TMC5: variants seen among roughly 807,000 people sequenced by gnomAD.
The protein encoded by TMC5 is transmembrane channel like 5.
A neutral mutation model predicts 110.5 loss-of-function variants in TMC5; 86 were observed. The observed-to-expected ratio is 0.78, with a 90% confidence interval of 0.65 to 0.93. The LOEUF (loss-of-function observed/expected upper bound fraction) is 0.93, where lower values mean the gene tolerates loss of function less well. Among genes scored for constraint, TMC5 ranks in the 40% least tolerant of loss-of-function variants. The pLI, the probability that TMC5 is intolerant of heterozygous loss-of-function variation, is 0.00. For synonymous variants in TMC5, 455 were observed against 439.5 expected (o/e 1.04, Z -0.44); for missense variants, 1,144 against 1,222.8 (o/e 0.94, Z 0.96).
At chr16:19,469,874 T>C in intron 10 of TMC5, 49 bp downstream of exon 10, 1 of 1,600,612 alleles carries the variant, frequency 6.2e-7, no homozygotes, top group South Asian at 1.1e-5. Flanking sequence ...TCTCCTTCCC[T>C]TCTCCAGTAT....
At chr16:19,456,802 A>G in intron 5 of TMC5, 1 of 1,614,216 alleles carries the variant, frequency 6.2e-7, no homozygotes, top group Non-Finnish European at 8.5e-7. Context: ...AGATTTTTCA[A>G]GAAAAGGTGC....
chr16:19,487,100 G>T, intron 16 of TMC5, 80 bp downstream of exon 16: 1 of 1,608,106 alleles, frequency 6.2e-7, no homozygotes, highest in Non-Finnish European at 8.5e-7. Flanking sequence ...GGGGAAGGGG[G>T]CTCTGCAAAG....
chr16:19,445,857 T>G (rs796726465), intron 4 of TMC5, among the ~76,000 whole-genome samples: 43 of 151,722 alleles, frequency 2.8e-4, no homozygotes, highest in African/African-American at 1.0e-3. Context: ...CCGGGCCTAA[T>G]TTTAAAAATT....
chr16:19,494,277 ATGT>A lies in TMC5; in HGVS notation c.2844_2846del (p.Met948_Phe949delinsIle). ...TTCTTGGTAGGAGGGCAAAGATAAA[ATGT>A]TCCTGATAGAAAAATTGATCAAGCT... is the stretch of plus-strand genomic sequence containing the variant. On this transcript the variant is annotated inframe_deletion, in exon 20 of 22. Transcript: ENST00000542583. The A allele has an allele frequency of 6.2e-7, 1 of 1,612,478 alleles. No homozygotes were observed. The highest frequency in any genetic ancestry group is 8.5e-7 in the Non-Finnish European group (1 of 1,179,278).
At chr16:19,461,446 C>T (rs561428472) in intron 6 of TMC5, among the ~76,000 whole-genome samples, 8 of 151,904 alleles carry the variant, frequency 5.3e-5, no homozygotes, top group Non-Finnish European at 1.0e-4. Context: ...TGGTGGCATG[C>T]GCCTGTAATC....
chr16:19,432,350 G>A (rs1442982845), intron 2 of TMC5, among the ~76,000 whole-genome samples: 1 of 152,200 alleles, frequency 6.6e-6, no homozygotes, highest in Non-Finnish European at 1.5e-5. Context: ...ATGGGATATG[G>A]AAAGGAGGAA....
chr16:19,467,935 TG>T (rs1329481060), intron 9 of TMC5, among the ~76,000 whole-genome samples: 1 of 152,168 alleles, frequency 6.6e-6, no homozygotes, highest in East Asian at 1.9e-4. Context: ...AGTGAGATTT[TG>T]TTTTGTTCTG....
chr16:19,412,485 C>A (rs561789979), intron 1 of TMC5, among the ~76,000 whole-genome samples: 1 of 152,242 alleles, frequency 6.6e-6, no homozygotes, highest in African/African-American at 2.4e-5. Context: ...CCTGCCTCAA[C>A]CTCCCAAGTA....
At chr16:19,450,710 C>T (rs1246600053) in intron 5 of TMC5, among the ~76,000 whole-genome samples, 2 of 152,202 alleles carry the variant, frequency 1.3e-5, no homozygotes. Flanking sequence ...CTAACTGGAG[C>T]ACATGCCTAC....
chr16:19,484,876 T>C (rs2143717832), intron 15 of TMC5, among the ~76,000 whole-genome samples: 1 of 151,642 alleles, frequency 6.6e-6, no homozygotes, highest in African/African-American at 2.4e-5. Flanking sequence ...TTTTTTTTTC[T>C]CCATGGTTAT....
Position 19,474,020 on chromosome 16 carries a change from A to G in TMC5, c.1939-105A>G. ...AATAAATAGATAAATAGTTAACCGC[A>G]GAGGAGCTACTTCTCGGGTTTTCTA... On this transcript the variant is annotated intron_variant, in intron 11 of 21. Coordinates refer to ENST00000542583, the MANE Select transcript of TMC5 (RefSeq NM_001261841.2). The G allele has an allele frequency of 5.6e-6, 6 of 1,079,842 alleles. No homozygotes were observed. In the South Asian group the frequency reaches 9.2e-5, roughly 17 times the overall value. The allele number at this position is 1,079,842 out of a possible 1,614,324, so 66.9% of individuals were successfully genotyped here. A position where few individuals can be genotyped will look rare whatever the true frequency, so the allele number is the denominator to read the frequency against.
At chr16:19,468,872 G>T (rs1322556038) in intron 9 of TMC5, among the ~76,000 whole-genome samples, 2 of 152,186 alleles carry the variant, frequency 1.3e-5, no homozygotes, top group Admixed American at 1.3e-4. Context: ...TGTGCCTGTA[G>T]TTCCAGCTAC....
intron 2 of TMC5, among the ~76,000 whole-genome samples, chr16:19,433,367 A>G (rs1967234352): frequency 6.6e-6 from 1 of 152,122 alleles, no homozygotes. Context: ...CTTGGAAGTG[A>G]CACAGTCACT....
At chr16:19,491,697 A>G (rs1442350628) in intron 18 of TMC5, among the ~76,000 whole-genome samples, 2 of 151,758 alleles carry the variant, frequency 1.3e-5, no homozygotes, top group Admixed American at 6.6e-5. Context: ...CACCACGCCC[A>G]GCTAATTTTT....
chr16:19,446,766 TAG>T (rs1427064231), intron 4 of TMC5, among the ~76,000 whole-genome samples: 1 of 152,178 alleles, frequency 6.6e-6, no homozygotes, highest in Non-Finnish European at 1.5e-5. Context: ...CAAAGCTCTA[TAG>T]AACATTGGAA....
chr16:19,467,650 T>G (rs1968223829), intron 9 of TMC5, among the ~76,000 whole-genome samples: 2 of 151,974 alleles, frequency 1.3e-5, no homozygotes, highest in Admixed American at 1.3e-4. Context: ...TCCGACTAAT[T>G]TTTGTAATTT....
chr16:19,473,851 G>A (rs1250498232), intron 11 of TMC5, among the ~76,000 whole-genome samples: 1 of 151,882 alleles, frequency 6.6e-6, no homozygotes. Flanking sequence ...ATGTTGGTGC[G>A]TGCCTGTAAT....
At position 19,497,156 on chromosome 16, in the gene TMC5, C is replaced by G; in HGVS notation, c.2967C>G (p.Gly989=). 1 of 1,613,808 alleles carries G rather than the reference C, an allele frequency of 6.2e-7. No individual in the cohort carries two copies. The highest frequency in any genetic ancestry group is 8.5e-7 in the Non-Finnish European group (1 of 1,179,798). Residue 989 remains glycine, a synonymous_variant, in exon 21 of 22, where the codon GGC becomes GGG. Coordinates refer to ENST00000542583, the MANE Select transcript of TMC5 (RefSeq NM_001261841.2). ...QGFLHLGEHD[G]SLDLRSRRSV... The stretch of plus-strand genomic sequence containing the variant: ...TTTTGCATTTGGGGGAACATGATGG[C>G]AGTCTTGGTGAGTAATTAAACTGGG...
At chr16:19,442,860 G>C (rs1967521686) in intron 3 of TMC5, among the ~76,000 whole-genome samples, 1 of 152,194 alleles carries the variant, frequency 6.6e-6, no homozygotes, top group African/African-American at 2.4e-5. Context: ...AACAGGACCA[G>C]GTGAAAATGT....
Sources: allele counts gnomAD v4.1 joint callset (sites outside exome capture counted in the v4.1 genomes callset), GRCh38; gene constraint gnomAD v4.1.1; transcripts MANE v1.5; gene names NCBI Gene and HGNC (gene_info 2026-07-23, HGNC 2026-07-21).